The following GMDS variants were observed in gnomAD, a reference collection of about 807,000 sequenced individuals.
The protein encoded by GMDS is GDP-mannose 4,6-dehydratase.
In GMDS, 20 loss-of-function variants were observed where a neutral mutation model predicts 49.9. The ratio of observed to expected loss-of-function variants is 0.40; its 90% CI spans 0.28 to 0.58. GMDS has a LOEUF of 0.58. GMDS is among the 20% of genes least tolerant of loss of function. The pLI is 0.42. For synonymous variants in GMDS, 177 were observed against 178.6 expected, an observed-to-expected ratio of 0.99 and a Z score of 0.07; for missense variants, 362 against 481.4, an observed-to-expected ratio of 0.75 and a Z score of 2.32.
At chr6:2,013,290 A>T (rs892746652) in intron 4 of GMDS, among the ~76,000 whole-genome samples, 3 of 152,190 alleles carry the variant, frequency 2.0e-5, no homozygotes, top group African/African-American at 7.2e-5. Context: ...CAGCTATAGC[A>T]AATACTAAAC....
intron 7 of GMDS, among the ~76,000 whole-genome samples, chr6:1,913,147 C>A (rs998551199): frequency 4.6e-5 from 7 of 151,744 alleles, no homozygotes; most frequent in Non-Finnish European, 8.8e-5. Flanking sequence ...TTTGGGAGGC[C>A]GAGGCGGGCG....
At chr6:2,007,742 C>T (rs1484690423) in intron 4 of GMDS, among the ~76,000 whole-genome samples, 1 of 152,080 alleles carries the variant, frequency 6.6e-6, no homozygotes, top group Non-Finnish European at 1.5e-5. Context: ...GTTTTAATTT[C>T]CTGGCTTCCA....
At chr6:1,693,774 T>C (rs10458129) in intron 9 of GMDS, among the ~76,000 whole-genome samples, 11,912 of 152,272 alleles carry the variant, frequency 0.078, 531 homozygotes, top group East Asian at 0.13. Context: ...TAAAGTTCTG[T>C]TACTAGCAAG....
At chr6:2,023,224 G>A (rs1231792491) in intron 4 of GMDS, among the ~76,000 whole-genome samples, 1 of 152,190 alleles carries the variant, frequency 6.6e-6, no homozygotes, top group East Asian at 1.9e-4. Flanking sequence ...GATATGTACT[G>A]TCAAATTAAA....
At chr6:1,846,061 A>AGGG (rs1457563706) in intron 7 of GMDS, among the ~76,000 whole-genome samples, 1 of 149,976 alleles carries the variant, frequency 6.7e-6, no homozygotes, top group Non-Finnish European at 1.5e-5. Context: ...GTCAAGGTCC[A>AGGG]GGGCCAGACA....
chr6:1,640,459 C>A lies in GMDS; in HGVS notation c.988-15919G>T, dbSNP rs1763296001. ...GCTCGCTCTCCTCCTGCCTCAGGTCCCTCTTTAAGTGTTGGCCACTCCCCA... is the reference window on the plus strand; with the variant it reads ...GCTCGCTCTCCTCCTGCCTCAGGTCACTCTTTAAGTGTTGGCCACTCCCCA... On this transcript the variant is annotated intron_variant, in intron 9 of 10. Coordinates refer to ENST00000380815, the MANE Select transcript of GMDS (RefSeq NM_001500.4). The surrounding 1 kb of genome is among the most constrained non-coding windows in gnomAD (Gnocchi z 4.0). 6.6e-6 allele frequency among the ~76,000 whole-genome samples: 1 copy of A among 152,166 alleles called. No individual in the cohort carries two copies. Among genetic ancestry groups the A allele is most frequent in the African/African-American group, 2.4e-5 (1 of 41,442 alleles).
intron 6 of GMDS, chr6:1,930,581 A>G (rs1384349454): frequency 1.7e-5 from 3 of 179,382 alleles, no homozygotes; most frequent in Non-Finnish European, 3.5e-5. Flanking sequence ...AAAGGGTTGT[A>G]TAAAGGGAAA....
At chr6:2,099,487 A>T (rs548154338) in intron 4 of GMDS, among the ~76,000 whole-genome samples, 1 of 152,234 alleles carries the variant, frequency 6.6e-6, no homozygotes, top group African/African-American at 2.4e-5. Context: ...CTGGCACCTA[A>T]ATTTATTTAC....
chr6:1,843,157 T>C (rs1345264544), intron 7 of GMDS, among the ~76,000 whole-genome samples: 3 of 54,264 alleles, frequency 5.5e-5, no homozygotes, highest in African/African-American at 1.6e-4. Context: ...ATAAAGAGAA[T>C]TTCTACCTGG....
intron 7 of GMDS, among the ~76,000 whole-genome samples, chr6:1,832,074 C>G (rs1468341685): frequency 1.3e-5 from 2 of 151,874 alleles, no homozygotes; most frequent in Admixed American, 6.6e-5. Flanking sequence ...ATTAAAATCT[C>G]TTTAGAACAG....
intron 7 of GMDS, among the ~76,000 whole-genome samples, chr6:1,857,715 A>G (rs1043995105): frequency 6.6e-6 from 1 of 152,228 alleles, no homozygotes; most frequent in African/African-American, 2.4e-5. Flanking sequence ...GTTATTCACT[A>G]TATTTTTAGC....
rs375190219 is a variant in GMDS at position 2,054,208 on chromosome 6, G to T, written c.345+61563C>A. ...TCTTCTTCACAAGAAACATCTGCGGGTATTAAAAAGGAAGATATCCAGAAG... is the reference window on the plus strand; with the variant it reads ...TCTTCTTCACAAGAAACATCTGCGGTTATTAAAAAGGAAGATATCCAGAAG... On this transcript the variant is annotated intron_variant, in intron 4 of 10. Coordinates refer to ENST00000380815, the MANE Select transcript of GMDS (RefSeq NM_001500.4). 2.6e-5 allele frequency among the ~76,000 whole-genome samples: 4 copies of T among 152,098 alleles called. No homozygotes were observed. In the East Asian group the frequency reaches 7.7e-4, roughly 29 times the overall value.
intron 6 of GMDS, among the ~76,000 whole-genome samples, chr6:1,931,701 A>C (rs1762294639): frequency 6.6e-6 from 1 of 152,236 alleles, no homozygotes; most frequent in South Asian, 2.1e-4. Context: ...TGTCAGGACT[A>C]TACTATTTTC....
chr6:1,959,801 T>A, intron 6 of GMDS, 66 bp downstream of exon 6: 1 of 915,330 alleles, frequency 1.1e-6, no homozygotes, highest in Non-Finnish European at 1.7e-6. Context: ...ATACACCAAA[T>A]AGACATGCAA....
intron 4 of GMDS, among the ~76,000 whole-genome samples, chr6:2,099,435 T>G (rs1773799681): frequency 6.6e-6 from 1 of 152,120 alleles, no homozygotes; most frequent in Non-Finnish European, 1.5e-5. Flanking sequence ...TAATTGTCTG[T>G]AAATTATAAT....
intron 9 of GMDS, among the ~76,000 whole-genome samples, chr6:1,626,344 TC>T (rs1256222546): frequency 6.6e-6 from 1 of 152,200 alleles, no homozygotes; most frequent in Non-Finnish European, 1.5e-5. Context: ...GCCCTAAAAG[TC>T]CATATACAGA....
chr6:2,099,334 C>T (rs1030913124), intron 4 of GMDS, among the ~76,000 whole-genome samples: 14 of 152,130 alleles, frequency 9.2e-5, no homozygotes, highest in African/African-American at 2.9e-4. Flanking sequence ...TTCATAATCA[C>T]ATCCTATACA....
At chr6:1,734,870 T>C (rs762166069) in intron 8 of GMDS, among the ~76,000 whole-genome samples, 2 of 152,086 alleles carry the variant, frequency 1.3e-5, no homozygotes, top group Non-Finnish European at 1.5e-5. Flanking sequence ...ATAATGATAA[T>C]GGTAACAAGA....
intron 9 of GMDS, among the ~76,000 whole-genome samples, chr6:1,672,076 T>C (rs12192836): frequency 0.33 from 50,920 of 152,104 alleles, 8,916 homozygotes; most frequent in Middle Eastern, 0.47. Flanking sequence ...ACCCACACTG[T>C]CTTATTATAT....
Sources: gnomAD v4.1 joint callset for allele counts (sites outside exome capture counted in the v4.1 genomes callset) on GRCh38, gnomAD v4.1.1 for gene constraint, Gnocchi (gnomAD v3.1) non-coding constraint, MANE v1.5 for transcripts, NCBI Gene and HGNC (gene_info 2026-07-23, HGNC 2026-07-21) for gene names.